Variants in LGR5 observed in about 807,000 individuals in gnomAD.
LGR5 encodes the protein leucine rich repeat containing G protein-coupled receptor 5.
In LGR5, 54 loss-of-function variants were observed where a neutral mutation model predicts 76.7. The observed-to-expected ratio is 0.70, with a 90% CI of 0.57 to 0.88. LGR5 has a LOEUF of 0.88. Among genes scored for constraint, LGR5 ranks in the 40% least tolerant of loss-of-function variants. The probability of loss-of-function intolerance (pLI) is 0.00; values close to 1 mark genes in which losing one functional copy is unlikely to be tolerated. For missense variants in LGR5, 1,078 were observed against 1,073.3 expected (o/e 1.00, Z -0.06); for synonymous variants, 406 against 421.9 (o/e 0.96, Z 0.46).
intron 8 of LGR5, among the ~76,000 whole-genome samples, chr12:71,565,436 A>C (rs375624491): frequency 7.1e-5 from 4 of 56,040 alleles, no homozygotes; most frequent in African/African-American, 1.1e-4. Context: ...ATATATATAT[A>C]TATATATAGC....
chr12:71,460,390 C>G (rs570941062), intron 1 of LGR5, among the ~76,000 whole-genome samples: 30 of 152,240 alleles, frequency 2.0e-4, no homozygotes, highest in Non-Finnish European at 3.7e-4. Flanking sequence ...CCAAATAAAG[C>G]GTAAGGTCCT....
intron 5 of LGR5, among the ~76,000 whole-genome samples, chr12:71,554,916 T>G (rs1159593938): frequency 6.6e-6 from 1 of 152,154 alleles, no homozygotes; most frequent in Non-Finnish European, 1.5e-5. Context: ...TAATAACCAA[T>G]CAATGAGGAA....
In LGR5 at chr12:71,582,513, A is replaced by C; in HGVS notation, c.1610A>C (p.His537Pro). 6.2e-7 allele frequency: 1 copy of C among 1,614,028 alleles called. No homozygotes were observed. The highest frequency in any genetic ancestry group is 2.2e-5 in the East Asian group (1 of 44,872). Residue 537 changes from histidine (H) to proline (P), a missense_variant, in exon 17 of 18, where the codon CAT (histidine) becomes CCT (proline). Transcript: ENST00000266674. ...TTTGAGGAAGACCTGAAAGCCCTTC[A>C]TTCAGTGCAGTGTTCACCTTCCCCA... ...LDFEEDLKAL[H>P]SVQCSPSPGP...
At chr12:71,515,528 G>T (rs1875391818) in intron 2 of LGR5, among the ~76,000 whole-genome samples, 1 of 152,140 alleles carries the variant, frequency 6.6e-6, no homozygotes, top group Non-Finnish European at 1.5e-5. Context: ...TTCAGAAATA[G>T]TCACAGAACT....
intron 1 of LGR5, among the ~76,000 whole-genome samples, chr12:71,497,844 T>G (rs1378083267): frequency 6.6e-6 from 1 of 152,240 alleles, no homozygotes; most frequent in Non-Finnish European, 1.5e-5. Flanking sequence ...CAATTTTTTT[T>G]GTTTCCTTAA....
chr12:71,542,276 G>A (rs569360182), intron 4 of LGR5, among the ~76,000 whole-genome samples: 56 of 152,330 alleles, frequency 3.7e-4, no homozygotes, highest in Admixed American at 7.2e-4. Context: ...GGAACTATGT[G>A]TGCAACTCCT....
At chr12:71,549,532 T>C (rs908953068) in intron 4 of LGR5, among the ~76,000 whole-genome samples, 6 of 152,224 alleles carry the variant, frequency 3.9e-5, no homozygotes, top group Non-Finnish European at 8.8e-5. Flanking sequence ...TGTATACATA[T>C]ATCAAAACAT....
chr12:71,577,792 C>A, intron 13 of LGR5, 133 bp from the exon 14 acceptor site: 1 of 599,716 alleles, frequency 1.7e-6, no homozygotes, highest in Admixed American at 2.8e-5. Flanking sequence ...ATCTGAAGGG[C>A]AGTTTGATAA....
chr12:71,514,434 G>A (rs1177275073), intron 2 of LGR5, among the ~76,000 whole-genome samples: 1 of 152,048 alleles, frequency 6.6e-6, no homozygotes, highest in East Asian at 1.9e-4. Flanking sequence ...CGGGCGTGGT[G>A]GCGGGCGCCT....
chr12:71,440,322 A>G lies in LGR5; in HGVS notation c.212+30A>G. The G allele has an allele frequency of 3.8e-6, 6 of 1,589,596 alleles. No individual in the cohort carries two copies. Among genetic ancestry groups the G allele is most frequent in the Non-Finnish European group, 5.1e-6 (6 of 1,167,332 alleles). ...GTACTTCCCCACGTCACTCCGGGAG[A>G]GAGACTAAGAGGGGAAGGAAGGTTC... On this transcript the variant is annotated intron_variant, in intron 1 of 17. Transcript: ENST00000266674. This position sits in a 1 kb window ranked among gnomAD's most constrained non-coding sequence, Gnocchi z 5.3.
At chr12:71,500,974 T>C (rs1874572610) in intron 1 of LGR5, among the ~76,000 whole-genome samples, 1 of 152,240 alleles carries the variant, frequency 6.6e-6, no homozygotes, top group Admixed American at 6.5e-5. Flanking sequence ...TCCTTTTACA[T>C]AGTGACCAGT....
At chr12:71,554,253 T>C (rs933678184) in intron 5 of LGR5, among the ~76,000 whole-genome samples, 4 of 152,118 alleles carry the variant, frequency 2.6e-5, no homozygotes, top group Non-Finnish European at 4.4e-5. Context: ...GGGTCAGGGA[T>C]GAAATCATAA....
intron 13 of LGR5, among the ~76,000 whole-genome samples, chr12:71,575,715 A>T (rs367951910): frequency 7.1e-5 from 9 of 127,176 alleles, no homozygotes; most frequent in African/African-American, 1.5e-4. Context: ...CATCTCAAAA[A>T]ATATATATGT....
intron 3 of LGR5, among the ~76,000 whole-genome samples, chr12:71,528,328 A>T (rs2137351200): frequency 6.6e-6 from 1 of 152,108 alleles, no homozygotes; most frequent in South Asian, 2.1e-4. Context: ...CATGGTGGCG[A>T]ACACCTGTGG....
chr12:71,458,342 G>A (rs1438192247), intron 1 of LGR5, among the ~76,000 whole-genome samples: 4 of 152,074 alleles, frequency 2.6e-5, no homozygotes, highest in Non-Finnish European at 4.4e-5. Context: ...TGTGAGGTTG[G>A]AGCTCAACAA....
At position 71,561,846 on chromosome 12, in the gene LGR5, T is replaced by C; in HGVS notation, c.851T>C (p.Ile284Thr). The change falls in exon 8 of 18, where the codon ATT becomes ACT. Residue 284 changes from isoleucine (I) to threonine (T), a missense_variant. Transcript: ENST00000266674. ...GCATTTGTAGGCAACCCTTCTCTTATTACAATGTAAGTGACCATAATGCTT... is the reference window on the plus strand; with the variant it reads ...GCATTTGTAGGCAACCCTTCTCTTACTACAATGTAAGTGACCATAATGCTT... Reference protein sequence around the residue: ...EKAFVGNPSLITIHFYDNPIQ... With the variant: ...EKAFVGNPSLTTIHFYDNPIQ... 6.3e-7 allele frequency: 1 copy of C among 1,587,928 alleles called. No individual in the cohort carries two copies. Among genetic ancestry groups the C allele is most frequent in the Non-Finnish European group, 8.6e-7 (1 of 1,157,782 alleles).
At chr12:71,476,309 G>C (rs1873333588) in intron 1 of LGR5, among the ~76,000 whole-genome samples, 2 of 152,146 alleles carry the variant, frequency 1.3e-5, no homozygotes, top group South Asian at 4.1e-4. Context: ...AGTAGTTAAG[G>C]ACATGTTCTT....
intron 1 of LGR5, among the ~76,000 whole-genome samples, chr12:71,488,309 T>A (rs749664019): frequency 5.3e-5 from 8 of 152,236 alleles, no homozygotes; most frequent in Non-Finnish European, 1.0e-4. Flanking sequence ...TACTGTGTGA[T>A]GCCATCTACT....
At chr12:71,508,685 CAG>C (rs1275499188) in intron 2 of LGR5, among the ~76,000 whole-genome samples, 2 of 130,728 alleles carry the variant, frequency 1.5e-5, no homozygotes, top group Admixed American at 2.0e-4. Context: ...ACCTGGGAGA[CAG>C]AGATTGCAGC....
Sources: allele counts gnomAD v4.1 joint callset (sites outside exome capture counted in the v4.1 genomes callset), GRCh38; gene constraint gnomAD v4.1.1; non-coding constraint Gnocchi (gnomAD v3.1); transcripts MANE v1.5; gene names NCBI Gene and HGNC (gene_info 2026-07-23, HGNC 2026-07-21).